Variants in SCFD2 observed in about 807,000 individuals in gnomAD.
SCFD2 encodes sec1 family domain containing 2.
A neutral mutation model predicts 58.9 loss-of-function variants in SCFD2; 54 were observed. That is an observed-to-expected ratio of 0.92 (90% CI 0.74 to 1.15). The LOEUF (loss-of-function observed/expected upper bound fraction) is 1.15. Ranked by LOEUF, SCFD2 falls within the 50% of genes most tolerant of loss-of-function variation. The pLI is 0.00. For missense variants in SCFD2, 805 were observed against 836.6 expected (o/e 0.96, Z 0.47); for synonymous variants, 321 against 335.9 (o/e 0.96, Z 0.49).
At chr4:53,252,804 T>A (rs4391098) in intron 4 of SCFD2, among the ~76,000 whole-genome samples, 13 of 151,902 alleles carry the variant, frequency 8.6e-5, no homozygotes, top group African/African-American at 2.4e-4. Flanking sequence ...AACCTAGGCA[T>A]TACCATTCAG....
intron 2 of SCFD2, among the ~76,000 whole-genome samples, chr4:53,329,323 C>T (rs913407657): frequency 3.3e-5 from 5 of 151,638 alleles, no homozygotes; most frequent in African/African-American, 1.2e-4. Context: ...CAGCAGTAAC[C>T]TCTGCAGACT....
At chr4:53,316,565 G>A (rs1732870414) in intron 2 of SCFD2, among the ~76,000 whole-genome samples, 1 of 152,126 alleles carries the variant, frequency 6.6e-6, no homozygotes, top group South Asian at 2.1e-4. Flanking sequence ...AAGTGGTATT[G>A]TCTTATATTC....
At chr4:53,037,641 T>C (rs919323745) in intron 5 of SCFD2, among the ~76,000 whole-genome samples, 2 of 152,116 alleles carry the variant, frequency 1.3e-5, no homozygotes, top group Non-Finnish European at 2.9e-5. Context: ...TTAGAATATG[T>C]TATGTAACCA....
At chr4:53,183,112 G>T (rs1421268636) in intron 4 of SCFD2, among the ~76,000 whole-genome samples, 1 of 152,150 alleles carries the variant, frequency 6.6e-6, no homozygotes, top group African/African-American at 2.4e-5. Flanking sequence ...CAGGGATCTA[G>T]AACTAGAAAT....
chr4:52,876,818 T>C (rs547623348), intron 8 of SCFD2, among the ~76,000 whole-genome samples: 82 of 141,304 alleles, frequency 5.8e-4, no homozygotes, highest in African/African-American at 2.1e-3. Context: ...AATGTACACC[T>C]AAAGACAAAC....
At chr4:52,955,195 G>A (rs1203967299) in intron 5 of SCFD2, among the ~76,000 whole-genome samples, 3 of 152,160 alleles carry the variant, frequency 2.0e-5, no homozygotes, top group Admixed American at 2.0e-4. Flanking sequence ...TGCTTGCATT[G>A]GACAGGAGAG....
At chr4:53,072,430 T>A (rs141487854) in intron 5 of SCFD2, among the ~76,000 whole-genome samples, 107 of 152,200 alleles carry the variant, frequency 7.0e-4, no homozygotes, top group African/African-American at 2.5e-3. Context: ...GGTTAGCAGC[T>A]GTGCCAACAG....
intron 5 of SCFD2, among the ~76,000 whole-genome samples, chr4:53,008,865 T>C (rs1722035695): frequency 6.6e-6 from 1 of 152,334 alleles, no homozygotes; most frequent in South Asian, 2.1e-4. Flanking sequence ...CTCACTATCA[T>C]GCAGAACGAT....
chr4:53,313,534 C>T (rs1406012650), intron 3 of SCFD2, 102 bp downstream of exon 3: 3 of 1,366,134 alleles, frequency 2.2e-6, no homozygotes, highest in African/African-American at 2.9e-5. Flanking sequence ...AAAGTCGTTA[C>T]TACTTTGGCC....
At chr4:53,258,107 CAT>C (rs1359145859) in intron 4 of SCFD2, among the ~76,000 whole-genome samples, 1 of 152,158 alleles carries the variant, frequency 6.6e-6, no homozygotes, top group Non-Finnish European at 1.5e-5. Flanking sequence ...GTTCTCGCTC[CAT>C]ATCCAGCCCA....
intron 5 of SCFD2, among the ~76,000 whole-genome samples, chr4:53,082,447 G>A (rs1724175565): frequency 6.6e-6 from 1 of 152,044 alleles, no homozygotes; most frequent in Non-Finnish European, 1.5e-5. Context: ...TTTCGCTAGT[G>A]GCTAATGAAT....
chr4:53,316,132 T>C (rs1239742953), intron 2 of SCFD2, among the ~76,000 whole-genome samples: 1 of 152,252 alleles, frequency 6.6e-6, no homozygotes, highest in African/African-American at 2.4e-5. Context: ...TATCACAGCA[T>C]CTTATGCTAG....
intron 7 of SCFD2, among the ~76,000 whole-genome samples, chr4:52,905,356 G>A (rs1474497099): frequency 6.6e-6 from 1 of 152,204 alleles, no homozygotes; most frequent in Non-Finnish European, 1.5e-5. Flanking sequence ...GTGTGGAATT[G>A]TAGGAGGGTT....
intron 5 of SCFD2, among the ~76,000 whole-genome samples, chr4:52,970,818 A>G (rs1191022432): frequency 6.6e-6 from 1 of 152,172 alleles, no homozygotes; most frequent in Non-Finnish European, 1.5e-5. Context: ...CTGAGACGAA[A>G]CTTCCAGAGG....
chr4:53,289,085 C>A lies in SCFD2; in HGVS notation c.1136-15084G>T, dbSNP rs575618178. Reference sequence around the variant, plus strand: ...TATCAAGTTAAAATAAATGGTCTGACTGGGCATGGTGGCTCATGCCTGTAA... The same window carrying A: ...TATCAAGTTAAAATAAATGGTCTGAATGGGCATGGTGGCTCATGCCTGTAA... On this transcript the variant is annotated intron_variant, in intron 3 of 8. Transcript: ENST00000401642. Among the ~76,000 whole-genome samples, 18 of 152,302 alleles carry A rather than the reference C, an allele frequency of 1.2e-4. No individual in the cohort carries two copies. The Middle Eastern group carries it at 0.01, about 86-fold the overall frequency.
At chr4:52,930,564 C>T (rs1017723481) in intron 5 of SCFD2, among the ~76,000 whole-genome samples, 3 of 152,054 alleles carry the variant, frequency 2.0e-5, no homozygotes, top group Non-Finnish European at 1.5e-5. Context: ...ACGAAAACAA[C>T]GAAATAACCC....
At chr4:53,042,399 G>T (rs1453910937) in intron 5 of SCFD2, among the ~76,000 whole-genome samples, 3 of 151,966 alleles carry the variant, frequency 2.0e-5, no homozygotes, top group Non-Finnish European at 4.4e-5. Context: ...CCACAGGGAC[G>T]CAATCAGCTA....
chr4:53,363,188 T>A (rs924178595), intron 1 of SCFD2, among the ~76,000 whole-genome samples: 1 of 151,930 alleles, frequency 6.6e-6, no homozygotes, highest in African/African-American at 2.4e-5. Context: ...CAGGTTGGAG[T>A]GCAGGGATGT....
At chr4:53,212,195 T>C (rs573166157) in intron 4 of SCFD2, among the ~76,000 whole-genome samples, 1 of 152,030 alleles carries the variant, frequency 6.6e-6, no homozygotes, top group Admixed American at 6.6e-5. Context: ...TGGGAAAGCA[T>C]TCTCCACCCC....
Sources: allele counts gnomAD v4.1 joint callset (sites outside exome capture counted in the v4.1 genomes callset), GRCh38; gene constraint gnomAD v4.1.1; transcripts MANE v1.5; gene names NCBI Gene and HGNC (gene_info 2026-07-23, HGNC 2026-07-21).